The following CFAP91 variants were observed in gnomAD, a reference collection of about 807,000 sequenced individuals.
CFAP91 encodes the protein cilia and flagella associated protein 91.
In CFAP91, 85 loss-of-function variants were observed where a neutral mutation model predicts 95.9. The ratio of observed to expected loss-of-function variants is 0.89; its 90% confidence interval spans 0.74 to 1.06. The LOEUF is 1.06. Ranked by LOEUF, CFAP91 falls within the 50% of genes least tolerant of loss-of-function variation. CFAP91 has a pLI of 0.00. For synonymous variants in CFAP91, 335 were observed against 327.5 expected, an observed-to-expected ratio of 1.02 and a Z score of -0.25; for missense variants, 962 against 943.4, an observed-to-expected ratio of 1.02 and a Z score of -0.26.
rs1475674248 is a variant in CFAP91, at chr3:119,703,229, A to T, written c.124+7A>T. 1 of 1,610,800 alleles carries T rather than the reference A, an allele frequency of 6.2e-7. No individual in the cohort carries two copies. Among genetic ancestry groups the T allele is most frequent in the African/African-American group, 1.3e-5 (1 of 74,864 alleles). On this transcript the variant is annotated splice_region_variant and intron_variant, in intron 1 of 17. Transcript: ENST00000273390. ...GCGTATGATTTTCTGTACGGTAAGG[A>T]CCGCCGCAGACCTTCCTCCGCGTCC...
intron 4 of CFAP91, among the ~76,000 whole-genome samples, chr3:119,709,055 C>G (rs2107855070): frequency 6.6e-6 from 1 of 152,274 alleles, no homozygotes; most frequent in African/African-American, 2.4e-5. Flanking sequence ...ACCATGAAGT[C>G]ATAGTGAAGG....
chr3:119,744,506 G>A (rs892671933), intron 14 of CFAP91, among the ~76,000 whole-genome samples: 2 of 152,210 alleles, frequency 1.3e-5, no homozygotes, highest in African/African-American at 4.8e-5. Flanking sequence ...GCTGTGTGGA[G>A]CACAGGCTGG....
chr3:119,719,045 A>G (rs1026712135), intron 6 of CFAP91, among the ~76,000 whole-genome samples: 2 of 152,212 alleles, frequency 1.3e-5, no homozygotes, highest in African/African-American at 2.4e-5. Flanking sequence ...ATGTCCATCA[A>G]CCATAGAATG....
chr3:119,732,916 G>A (rs2053930956), intron 9 of CFAP91, among the ~76,000 whole-genome samples: 1 of 152,182 alleles, frequency 6.6e-6, no homozygotes, highest in Non-Finnish European at 1.5e-5. Context: ...GGCTTATTTA[G>A]TTATTTAATT....
chr3:119,739,239 C>G lies in CFAP91; in HGVS notation c.1462-16C>G, dbSNP rs762106063. The G allele has an allele frequency of 6.2e-7, 1 of 1,611,660 alleles. No individual in the cohort carries two copies. The highest frequency in any genetic ancestry group is 8.5e-7 in the Non-Finnish European group (1 of 1,177,880). ...TGCAGTTCTCAAGCTGCTTGGTTCT[C>G]CCTTTGTTCTTTTAGGAAGAAGAAG... On this transcript the variant is annotated splice_polypyrimidine_tract_variant and intron_variant, in intron 11 of 17. Coordinates refer to ENST00000273390, the MANE Select transcript of CFAP91 (RefSeq NM_033364.4).
intron 17 of CFAP91, among the ~76,000 whole-genome samples, chr3:119,755,678 T>C (rs2054414250): frequency 6.6e-6 from 1 of 152,220 alleles, no homozygotes; most frequent in African/African-American, 2.4e-5. Flanking sequence ...AGCTATCCAA[T>C]CTATGGTATT....
chr3:119,748,726 T>G lies in CFAP91; in HGVS notation c.2143+824T>G, dbSNP rs535660624. ...ATACCTGATTTTTCCATTGCATGGT[T>G]GTAGTGTAATTTTTAAACCAGTACC... On this transcript the variant is annotated intron_variant, in intron 16 of 17. Transcript: ENST00000273390. 2.6e-5 allele frequency among the ~76,000 whole-genome samples: 4 copies of G among 152,292 alleles called. No individual in the cohort carries two copies. In the South Asian group the frequency reaches 6.2e-4, roughly 24 times the overall value.
chr3:119,744,867 A>G (rs1186924769), intron 14 of CFAP91, among the ~76,000 whole-genome samples: 1 of 152,228 alleles, frequency 6.6e-6, no homozygotes, highest in Non-Finnish European at 1.5e-5. Context: ...TTCTTCAAAA[A>G]CAGTGACTGA....
chr3:119,726,355 T>G lies in CFAP91; in HGVS notation c.860+7T>G. The G allele has an allele frequency of 6.2e-7, 1 of 1,606,042 alleles. No individual in the cohort carries two copies. The highest frequency in any genetic ancestry group is 1.1e-5 in the South Asian group (1 of 89,524). On this transcript the variant is annotated splice_region_variant and intron_variant, in intron 7 of 17. Coordinates refer to ENST00000273390, the MANE Select transcript of CFAP91 (RefSeq NM_033364.4). Reference sequence around the variant, plus strand: ...GAGAGCAGGAGATTGAAAAGTAGGTTCTCTATCACCCAGACAACTGTTCCT... The same window carrying G: ...GAGAGCAGGAGATTGAAAAGTAGGTGCTCTATCACCCAGACAACTGTTCCT...
At chr3:119,706,535 A>C (rs1368206979) in intron 1 of CFAP91, 1 of 394,034 alleles carries the variant, frequency 2.5e-6, no homozygotes, top group Non-Finnish European at 4.7e-6. Flanking sequence ...AGGGTGTAGT[A>C]CTTGAAAACA....
At chr3:119,707,665 C>A in intron 3 of CFAP91, 104 bp downstream of exon 3, 1 of 1,070,704 alleles carries the variant, frequency 9.3e-7, no homozygotes, top group Non-Finnish European at 1.2e-6. Context: ...TGGTGTTATA[C>A]CTAGGCCAAA....
intron 1 of CFAP91, 132 bp from the exon 2 acceptor site, chr3:119,706,677 G>A (rs962945176): frequency 8.9e-6 from 6 of 674,998 alleles, no homozygotes; most frequent in Admixed American, 4.5e-5. Context: ...AGCATGAGCT[G>A]CTGCAGAGTC....
chr3:119,747,742 G>A (rs1467708038), intron 15 of CFAP91, 69 bp from the exon 16 acceptor site: 9 of 1,319,150 alleles, frequency 6.8e-6, no homozygotes, highest in Admixed American at 1.8e-5. Flanking sequence ...TTACACAGCA[G>A]GAAAGCATAA....
chr3:119,708,727 C>G lies in CFAP91; in HGVS notation c.443+53C>G, dbSNP rs921278736. The G allele has an allele frequency of 9.6e-6, 10 of 1,044,266 alleles. 1 individual carries two copies. The South Asian group carries it at 1.1e-4, about 12-fold the overall frequency. The allele number at this position is 1,044,266 out of a possible 1,614,324, so 64.7% of individuals were successfully genotyped here. A position where few individuals can be genotyped will look rare whatever the true frequency, so the allele number is the denominator to read the frequency against. ...GAGCCCTAATATTATTAGAGAACCT[C>G]TTTATGATAATAATAATAGTTATCA... On this transcript the variant is annotated intron_variant, in intron 4 of 17. Coordinates refer to ENST00000273390, the MANE Select transcript of CFAP91 (RefSeq NM_033364.4).
chr3:119,765,630 A>G lies in CFAP91; in HGVS notation c.*580A>G, dbSNP rs1246892179. 1 of 152,188 alleles carries G rather than the reference A, an allele frequency of 6.6e-6. No homozygotes were observed. Among genetic ancestry groups the G allele is most frequent in the African/African-American group, 2.4e-5 (1 of 41,434 alleles). 9.4% of individuals were successfully genotyped at this position (152,188 alleles called of 1,614,324 possible). A position where few individuals can be genotyped will look rare whatever the true frequency, so the allele number is the denominator to read the frequency against. ...TGCTTCTACAGTGGCACATCAACCCACCTTTGAGCTTTAGATCTAAGAAGT... is the reference window on the plus strand; with the variant it reads ...TGCTTCTACAGTGGCACATCAACCCGCCTTTGAGCTTTAGATCTAAGAAGT... On this transcript the variant is annotated 3_prime_UTR_variant, in exon 18 of 18. Transcript: ENST00000273390.
intron 5 of CFAP91, among the ~76,000 whole-genome samples, chr3:119,713,892 A>T (rs2107861271): frequency 6.6e-6 from 1 of 152,186 alleles, no homozygotes; most frequent in East Asian, 1.9e-4. Flanking sequence ...TATTATTTTG[A>T]ATAGCTGCAT....
At chr3:119,725,366 T>C (rs1346542352) in intron 6 of CFAP91, among the ~76,000 whole-genome samples, 2 of 152,216 alleles carry the variant, frequency 1.3e-5, no homozygotes, top group African/African-American at 4.8e-5. Context: ...AAGTTGCAGG[T>C]AAGAGATAGC....
In CFAP91 at chr3:119,740,833, A is replaced by ATT. The variant is rs756482634; in HGVS notation, c.1680+140_1680+141dup. The stretch of plus-strand genomic sequence containing the variant: ...CCCACAATCCCATCACTCTGTCAGC[A>ATT]TTTGTGTGTGTGTGTGTGTGTGTGT... On this transcript the variant is annotated intron_variant, in intron 13 of 17. Coordinates refer to ENST00000273390, the MANE Select transcript of CFAP91 (RefSeq NM_033364.4). The ATT allele has an allele frequency of 6.7e-5, 46 of 685,936 alleles. No individual in the cohort carries two copies. In the Admixed American group the frequency reaches 1.1e-3, roughly 17 times the overall value. The allele number at this position is 685,936 out of a possible 1,614,324, so 42.5% of individuals were successfully genotyped here.
intron 17 of CFAP91, among the ~76,000 whole-genome samples, chr3:119,757,077 C>T (rs1480588954): frequency 6.6e-6 from 1 of 151,850 alleles, no homozygotes; most frequent in Admixed American, 6.6e-5. Flanking sequence ...AAAACACCAC[C>T]CATAGAAAAG....
Sources: allele counts gnomAD v4.1 joint callset (sites outside exome capture counted in the v4.1 genomes callset), GRCh38; gene constraint gnomAD v4.1.1; transcripts MANE v1.5; gene names NCBI Gene and HGNC (gene_info 2026-07-23, HGNC 2026-07-21).